The following ARHGEF4 variants were observed in gnomAD, a reference collection of about 807,000 sequenced individuals.
The protein encoded by ARHGEF4 is Rho guanine nucleotide exchange factor 4.
In ARHGEF4, 119 loss-of-function variants were observed where a neutral mutation model predicts 162.0. That is an observed-to-expected ratio of 0.73 (90% CI 0.63 to 0.86). The LOEUF (loss-of-function observed/expected upper bound fraction) is 0.86, where lower values mean the gene tolerates loss of function less well. Ranked by LOEUF, ARHGEF4 falls within the 40% of genes least tolerant of loss-of-function variation. ARHGEF4 has a pLI of 0.00. For missense variants in ARHGEF4, 2,488 were observed against 2,456.0 expected, an observed-to-expected ratio of 1.01 and a Z score of -0.28; for synonymous variants, 1,014 against 979.9, an observed-to-expected ratio of 1.03 and a Z score of -0.65.
chr2:130,852,703 C>G (rs994911937), intron 1 of ARHGEF4, among the ~76,000 whole-genome samples: 3 of 152,180 alleles, frequency 2.0e-5, no homozygotes, highest in African/African-American at 7.2e-5. Flanking sequence ...ATCTGAAAGC[C>G]GAGCAGGACT....
At chr2:130,964,509 C>T (rs533316604) in intron 4 of ARHGEF4, among the ~76,000 whole-genome samples, 1 of 152,386 alleles carries the variant, frequency 6.6e-6, no homozygotes, top group East Asian at 1.9e-4. Flanking sequence ...TGTTGGCCCC[C>T]ATACCAGAGC....
At chr2:130,957,665 G>C (rs139644961) in intron 4 of ARHGEF4, among the ~76,000 whole-genome samples, 5 of 152,302 alleles carry the variant, frequency 3.3e-5, no homozygotes, top group African/African-American at 1.2e-4. Flanking sequence ...GGTATTGGGA[G>C]GTAAGGCCTT....
At chr2:131,040,854 G>A (rs1188654187) in intron 8 of ARHGEF4, among the ~76,000 whole-genome samples, 1 of 152,156 alleles carries the variant, frequency 6.6e-6, no homozygotes, top group East Asian at 1.9e-4. Context: ...ACACCTCCTA[G>A]CCTCACCTGG....
At chr2:130,912,960 ATT>A (rs1217496963) in intron 1 of ARHGEF4, among the ~76,000 whole-genome samples, 1 of 152,086 alleles carries the variant, frequency 6.6e-6, no homozygotes, top group Non-Finnish European at 1.5e-5. Flanking sequence ...TAATTGTTCT[ATT>A]TTGTTAATAT....
intron 1 of ARHGEF4, among the ~76,000 whole-genome samples, chr2:130,874,174 C>T (rs545946459): frequency 6.6e-6 from 1 of 152,348 alleles, no homozygotes; most frequent in East Asian, 1.9e-4. Context: ...TCAGCAAAAA[C>T]GGAGGCTCAG....
intron 4 of ARHGEF4, among the ~76,000 whole-genome samples, chr2:130,956,915 A>G (rs1265536370): frequency 6.6e-6 from 1 of 152,088 alleles, no homozygotes; most frequent in Admixed American, 6.5e-5. Flanking sequence ...ATACATATGG[A>G]ACTAACCTGC....
intron 1 of ARHGEF4, among the ~76,000 whole-genome samples, chr2:130,847,217 TTCCG>T (rs1681044997): frequency 6.6e-6 from 1 of 152,214 alleles, no homozygotes; most frequent in African/African-American, 2.4e-5. Flanking sequence ...AATCTGGCCT[TTCCG>T]GACACTGCTC....
chr2:130,843,340 C>G (rs537815329), intron 1 of ARHGEF4, among the ~76,000 whole-genome samples: 3 of 152,326 alleles, frequency 2.0e-5, no homozygotes, highest in Admixed American at 6.5e-5. Context: ...GCAGCAGGAA[C>G]CCAAGGCTGG....
intron 4 of ARHGEF4, among the ~76,000 whole-genome samples, chr2:130,989,295 A>G (rs955465102): frequency 6.6e-6 from 1 of 152,190 alleles, no homozygotes; most frequent in Non-Finnish European, 1.5e-5. Context: ...ACTTCCAGAA[A>G]TGGGTTTGGT....
chr2:131,019,727 G>A (rs1012751669), intron 4 of ARHGEF4, among the ~76,000 whole-genome samples: 44 of 152,062 alleles, frequency 2.9e-4, no homozygotes, highest in Admixed American at 2.7e-3. Context: ...TCCGCCTCCC[G>A]GGTTCATGCC....
chr2:130,998,938 G>C (rs535638578), intron 4 of ARHGEF4, among the ~76,000 whole-genome samples: 4 of 152,302 alleles, frequency 2.6e-5, no homozygotes, highest in African/African-American at 9.6e-5. Flanking sequence ...GCAAGCCATG[G>C]ATGAGAGCTC....
At position 131,040,051 on chromosome 2, in the gene ARHGEF4, C is replaced by G. The variant is rs1265411319; in HGVS notation, c.4341C>G (p.Asp1447Glu). ...ATCAGGACGAGCCCGCGGATGACGA[C>G]GCCCCTCTGGCCGGGAACAGCGGAG... is the stretch of plus-strand genomic sequence containing the variant. ...RVNQDEPADD[D>E]APLAGNSGAE... Residue 1447 changes from aspartate (D) to glutamate (E), a missense_variant, in exon 7 of 14, where the codon GAC becomes GAG. Transcript: ENST00000409359. 6.3e-7 allele frequency: 1 copy of G among 1,582,166 alleles called. No homozygotes were observed. Among genetic ancestry groups the G allele is most frequent in the Non-Finnish European group, 8.6e-7 (1 of 1,165,270 alleles).
chr2:130,844,324 G>T (rs189972984), intron 1 of ARHGEF4, among the ~76,000 whole-genome samples: 268 of 152,338 alleles, frequency 1.8e-3, no homozygotes, highest in Non-Finnish European at 2.9e-3. Context: ...CGGGGATGGT[G>T]CTGCCTGTGA....
intron 2 of ARHGEF4, among the ~76,000 whole-genome samples, chr2:130,929,468 G>C (rs578131685): frequency 2.1e-4 from 32 of 152,114 alleles, no homozygotes; most frequent in Non-Finnish European, 7.4e-5. Flanking sequence ...TCCTAATCTT[G>C]TAGAAAATTC....
At chr2:130,837,251 CCCTGAGAGGGCAAGGGCGAGCG>C (rs1384163211) in intron 1 of ARHGEF4, among the ~76,000 whole-genome samples, 3 of 151,990 alleles carry the variant, frequency 2.0e-5, no homozygotes, top group Non-Finnish European at 4.4e-5. Context: ...CGGGGCGAGC[CCCTGAGAGGGCAAGGGCGAGCG>C]CCTGAGCCGG....
chr2:131,039,045 G>T lies in ARHGEF4; in HGVS notation c.4305+13G>T. The T allele has an allele frequency of 6.3e-7, 1 of 1,596,392 alleles. No homozygotes were observed. Among genetic ancestry groups the T allele is most frequent in the South Asian group, 1.1e-5 (1 of 89,518 alleles). On this transcript the variant is annotated intron_variant, in intron 6 of 13. Coordinates refer to ENST00000409359, the MANE Select transcript of ARHGEF4 (RefSeq NM_001367493.1). ...CAGCTTCGTTCGGGTATGGTTCCAA[G>T]CCCCAGCTTCTCCCAAGTTGGGCCC...
chr2:130,873,878 T>C (rs1678651822), intron 1 of ARHGEF4, among the ~76,000 whole-genome samples: 1 of 152,124 alleles, frequency 6.6e-6, no homozygotes, highest in Non-Finnish European at 1.5e-5. Flanking sequence ...GACAGCTGTT[T>C]GGGGTTCCTT....
chr2:130,968,175 C>T (rs1274489383), intron 4 of ARHGEF4, among the ~76,000 whole-genome samples: 2 of 152,202 alleles, frequency 1.3e-5, no homozygotes, highest in Admixed American at 6.5e-5. Flanking sequence ...CACAAAGTGA[C>T]TCTGATCAGT....
At chr2:131,045,815 C>A (rs1691204396) in intron 13 of ARHGEF4, 1 of 1,431,638 alleles carries the variant, frequency 7.0e-7, no homozygotes. Context: ...CAGGCCACCC[C>A]CCTCTTCAGG....
Sources: gnomAD v4.1 joint callset for allele counts (sites outside exome capture counted in the v4.1 genomes callset) on GRCh38, gnomAD v4.1.1 for gene constraint, MANE v1.5 for transcripts, NCBI Gene and HGNC (gene_info 2026-07-23, HGNC 2026-07-21) for gene names.